The following KCNC2 variants were observed in gnomAD, a reference collection of about 807,000 sequenced individuals.
The protein encoded by KCNC2 is voltage-gated potassium channel KCNC2.
Under a neutral mutation model 44.5 loss-of-function variants are expected in KCNC2, and 21 were observed. That is an observed-to-expected ratio of 0.47 (90% CI 0.33 to 0.68). KCNC2 has a LOEUF of 0.68. KCNC2 is among the 30% of genes least tolerant of loss of function. The pLI is 0.01. For missense variants in KCNC2, 589 were observed against 826.2 expected (o/e 0.71, Z 3.52); for synonymous variants, 391 against 339.1 (o/e 1.15, Z -1.68).
At chr12:75,133,108 A>T (rs1381649103) in intron 2 of KCNC2, among the ~76,000 whole-genome samples, 1 of 152,074 alleles carries the variant, frequency 6.6e-6, no homozygotes, top group Non-Finnish European at 1.5e-5. Flanking sequence ...TCCAGAAACC[A>T]AATATTTAAT....
chr12:75,088,401 A>G (rs533581158), intron 2 of KCNC2, among the ~76,000 whole-genome samples: 163 of 152,198 alleles, frequency 1.1e-3, no homozygotes, highest in African/African-American at 3.4e-3. Context: ...TGTTGTACAA[A>G]CATAAAGTTA....
chr12:75,056,129 A>G (rs1881720500), intron 2 of KCNC2, among the ~76,000 whole-genome samples: 1 of 152,044 alleles, frequency 6.6e-6, no homozygotes, highest in Non-Finnish European at 1.5e-5. Flanking sequence ...ACCATGACTT[A>G]AAGCAAGAAG....
intron 2 of KCNC2, among the ~76,000 whole-genome samples, chr12:75,176,958 T>G (rs1364013461): frequency 1.3e-5 from 2 of 150,968 alleles, no homozygotes; most frequent in Non-Finnish European, 3.0e-5. Flanking sequence ...AATGGACTAT[T>G]GCGTCTCGTT....
rs200025247 is a variant in KCNC2 at position 75,051,362 on chromosome 12, G to A, written c.688-45C>T. ...AAAAAAACCCATAGTGATCTGAATC[G>A]TAATATATGTTGATTCTAATCTAAA... On this transcript the variant is annotated intron_variant, in intron 2 of 4. Transcript: ENST00000549446. 51 of 1,051,428 alleles carry A rather than the reference G, an allele frequency of 4.9e-5. No homozygotes were observed. In the Middle Eastern group the frequency reaches 6.7e-4, roughly 14 times the overall value. 65.1% of individuals were successfully genotyped at this position (1,051,428 alleles called of 1,614,324 possible).
At position 75,207,364 on chromosome 12, in the gene KCNC2, C is replaced by A. The variant is rs760456909; in HGVS notation, c.620G>T (p.Arg207Leu). The A allele has an allele frequency of 1.3e-6, 2 of 1,577,876 alleles. No individual in the cohort carries two copies. Among genetic ancestry groups the A allele is most frequent in the Non-Finnish European group, 1.7e-6 (2 of 1,163,212 alleles). ...GLGGPDGKSG[R>L]WRRLQPRMWA... The stretch of plus-strand genomic sequence containing the variant: ...CATGCGGGGCTGCAGCCTCCTCCAG[C>A]GGCCAGATTTGCCGTCGGGGCCCCC... The change falls in exon 2 of 5, where the codon CGC becomes CTC. Residue 207 changes from arginine to leucine, a missense_variant. Physicochemically the swap from Arg to Leu is moderately radical, Grantham distance 102. This residue lies in a region of KCNC2 where 97 missense variants were observed against 73.3 expected (regional missense o/e 1.32). Transcript: ENST00000549446. This position sits in a 1 kb window ranked among gnomAD's most constrained non-coding sequence, Gnocchi z 4.1.
rs1328194676 is a variant in KCNC2 at position 75,208,154 on chromosome 12, G to A, written c.-19-152C>T. 5 of 800,906 alleles carry A rather than the reference G, an allele frequency of 6.2e-6. No individual in the cohort carries two copies. In the African/African-American group the frequency reaches 7.2e-5, roughly 12 times the overall value. The allele number at this position is 800,906 out of a possible 1,614,324, so 49.6% of individuals were successfully genotyped here. On this transcript the variant is annotated intron_variant, in intron 1 of 4. Transcript: ENST00000549446. The stretch of plus-strand genomic sequence containing the variant: ...CTCCCCGGGAGGGGATCAGCGTCCA[G>A]CGCTGTCCCCGCCTCTTGCATCAAA...
chr12:75,125,750 C>T (rs1446087802), intron 2 of KCNC2, among the ~76,000 whole-genome samples: 2 of 152,156 alleles, frequency 1.3e-5, no homozygotes, highest in Non-Finnish European at 2.9e-5. Context: ...GTGCCAAACT[C>T]ACCTTTTGGA....
intron 2 of KCNC2, among the ~76,000 whole-genome samples, chr12:75,082,483 T>C (rs149060230): frequency 1.1e-4 from 17 of 150,966 alleles, no homozygotes; most frequent in African/African-American, 3.9e-4. Context: ...ATGTAAATTC[T>C]ATTTGATTCA....
At chr12:75,199,781 T>C (rs1185707616) in intron 2 of KCNC2, among the ~76,000 whole-genome samples, 1 of 151,752 alleles carries the variant, frequency 6.6e-6, no homozygotes, top group Non-Finnish European at 1.5e-5. Context: ...AGTGTTGCAT[T>C]AAAAATAAAT....
chr12:75,142,813 T>A (rs1172282170), intron 2 of KCNC2, among the ~76,000 whole-genome samples: 2 of 152,174 alleles, frequency 1.3e-5, no homozygotes, highest in Non-Finnish European at 2.9e-5. Context: ...GGTTGTCTTT[T>A]ATGACCTAAC....
chr12:75,137,727 G>C (rs1399955809), intron 2 of KCNC2, among the ~76,000 whole-genome samples: 2 of 152,074 alleles, frequency 1.3e-5, no homozygotes, highest in African/African-American at 2.4e-5. Flanking sequence ...AATTATATAA[G>C]TAAAACATAA....
chr12:75,201,521 A>G (rs1024405156), intron 2 of KCNC2, among the ~76,000 whole-genome samples: 3 of 151,842 alleles, frequency 2.0e-5, no homozygotes, highest in African/African-American at 7.2e-5. Flanking sequence ...AGATTTAGGA[A>G]GATGAAGTAA....
chr12:75,101,491 CA>C (rs1402533431), intron 2 of KCNC2, among the ~76,000 whole-genome samples: 2 of 151,498 alleles, frequency 1.3e-5, no homozygotes, highest in East Asian at 1.9e-4. Flanking sequence ...AACATGGCAA[CA>C]AAAAAAAGAT....
intron 2 of KCNC2, among the ~76,000 whole-genome samples, chr12:75,098,138 C>A (rs951221805): frequency 1.3e-5 from 2 of 151,934 alleles, no homozygotes; most frequent in Non-Finnish European, 2.9e-5. Flanking sequence ...ATGCTGTTCT[C>A]GGCTAGATAA....
chr12:75,134,156 C>T (rs926591779), intron 2 of KCNC2, among the ~76,000 whole-genome samples: 2 of 151,708 alleles, frequency 1.3e-5, no homozygotes, highest in East Asian at 1.9e-4. Context: ...CAGAGTCACC[C>T]GACAGGTCAG....
chr12:75,152,466 T>C (rs1287456784), intron 2 of KCNC2, among the ~76,000 whole-genome samples: 1 of 151,978 alleles, frequency 6.6e-6, no homozygotes, highest in African/African-American at 2.4e-5. Context: ...GAAGCATTTG[T>C]ATGTTTAAGT....
intron 2 of KCNC2, among the ~76,000 whole-genome samples, chr12:75,052,023 A>T (rs1043079522): frequency 2.0e-5 from 3 of 152,122 alleles, no homozygotes; most frequent in Non-Finnish European, 4.4e-5. Context: ...GTAACATACT[A>T]TAAAGCTGAA....
At chr12:75,043,732 T>C (rs1880176474) in intron 4 of KCNC2, 3 of 1,474,488 alleles carry the variant, frequency 2.0e-6, no homozygotes, top group East Asian at 2.5e-5. Context: ...TCCAGCTTTA[T>C]AGGGTTAAAA....
chr12:75,048,962 C>T (rs1358241537), intron 3 of KCNC2, among the ~76,000 whole-genome samples: 2 of 152,094 alleles, frequency 1.3e-5, no homozygotes, highest in Admixed American at 1.3e-4. Context: ...GGCCTAGATA[C>T]TAGCTTGTTA....
Sources: allele counts gnomAD v4.1 joint callset (sites outside exome capture counted in the v4.1 genomes callset), GRCh38; gene constraint gnomAD v4.1.1; regional missense constraint gnomAD v4.1.1; non-coding constraint Gnocchi (gnomAD v3.1); transcripts MANE v1.5; gene names NCBI Gene and HGNC (gene_info 2026-07-23, HGNC 2026-07-21).